USPL1: variants seen among roughly 807,000 people sequenced by gnomAD.
USPL1 encodes the protein ubiquitin specific peptidase like 1.
USPL1 carries 27 observed loss-of-function variants against 51.5 expected under a neutral mutation model. The observed-to-expected ratio is 0.52, with a 90% CI of 0.39 to 0.72. The LOEUF is 0.72. USPL1 is among the 30% of genes least tolerant of loss of function. The pLI is 0.00. For synonymous variants in USPL1, 451 were observed against 459.6 expected (o/e 0.98, Z 0.24); for missense variants, 1,226 against 1,268.0 (o/e 0.97, Z 0.50).
intron 8 of USPL1, among the ~76,000 whole-genome samples, chr13:30,653,649 A>G (rs565069965): frequency 6.6e-6 from 1 of 152,108 alleles, no homozygotes; most frequent in Non-Finnish European, 1.5e-5. Context: ...TTCTAAGACT[A>G]TTAAACATTA....
At chr13:30,619,987 A>G (rs188842384) in intron 1 of USPL1, among the ~76,000 whole-genome samples, 67 of 152,302 alleles carry the variant, frequency 4.4e-4, no homozygotes, top group African/African-American at 1.6e-3. Flanking sequence ...TTCACAAACA[A>G]TTATTTGGTC....
chr13:30,649,138 GA>G (rs1240325410), intron 7 of USPL1, among the ~76,000 whole-genome samples: 2 of 152,170 alleles, frequency 1.3e-5, no homozygotes, highest in Non-Finnish European at 2.9e-5. Flanking sequence ...TCTTTTAATG[GA>G]AAATGTGTTT....
intron 7 of USPL1, among the ~76,000 whole-genome samples, chr13:30,649,875 T>A (rs896763342): frequency 1.3e-5 from 2 of 152,228 alleles, no homozygotes; most frequent in African/African-American, 4.8e-5. Context: ...TGATGTCTCT[T>A]GTTCTCTTTT....
intron 7 of USPL1, among the ~76,000 whole-genome samples, chr13:30,647,276 C>G (rs1951030700): frequency 6.6e-6 from 1 of 152,178 alleles, no homozygotes; most frequent in South Asian, 2.1e-4. Context: ...TCTGGCCCCA[C>G]TCTCCTAGTG....
intron 6 of USPL1, among the ~76,000 whole-genome samples, chr13:30,643,767 G>A (rs1443569229): frequency 1.7e-4 from 25 of 151,510 alleles, no homozygotes; most frequent in African/African-American, 2.4e-4. Context: ...GTGCCACCAC[G>A]CCCGGCTGAT....
intron 4 of USPL1, among the ~76,000 whole-genome samples, chr13:30,635,176 T>C (rs895805185): frequency 2.0e-5 from 3 of 152,342 alleles, no homozygotes; most frequent in Middle Eastern, 3.4e-3. Flanking sequence ...GGGAAGTCTT[T>C]ATCTTTTCAT....
At position 30,659,511 on chromosome 13, in the gene USPL1, C is replaced by CA. The variant is rs1951227510; in HGVS notation, c.*156dup. The CA allele has an allele frequency of 6.2e-6, 4 of 642,920 alleles. No individual in the cohort carries two copies. In the East Asian group the frequency reaches 1.2e-4, roughly 19 times the overall value. 39.8% of individuals were successfully genotyped at this position (642,920 alleles called of 1,614,324 possible). A position where few individuals can be genotyped will look rare whatever the true frequency, so the allele number is the denominator to read the frequency against. ...TTAACCTTTGGTTCTGCCCATGAAG[C>CA]ATGTAATCTTTCTTACACATTAAAA... is the stretch of plus-strand genomic sequence containing the variant. On this transcript the variant is annotated 3_prime_UTR_variant, in exon 9 of 9. Transcript: ENST00000255304.
rs754810857 is a variant in USPL1 at position 30,647,007 on chromosome 13, A to G, written c.1188A>G (p.Pro396=). 6 of 1,613,846 alleles carry G rather than the reference A, an allele frequency of 3.7e-6. No individual in the cohort carries two copies. The East Asian group carries it at 1.3e-4, about 36-fold the overall frequency. The change falls in exon 7 of 9, where the codon CCA becomes CCG. Residue 396 remains proline, a synonymous_variant. Transcript: ENST00000255304. ...WHPLNAAHFG[P]CNNCNSKSQI... ...CACTTAATGCTGCCCATTTTGGTCCATGTAACAATTGCAACAGTAAATCAC... is the reference window on the plus strand; with the variant it reads ...CACTTAATGCTGCCCATTTTGGTCCGTGTAACAATTGCAACAGTAAATCAC...
intron 8 of USPL1, among the ~76,000 whole-genome samples, chr13:30,655,902 C>T (rs543901063): frequency 1.9e-4 from 29 of 152,266 alleles, no homozygotes; most frequent in East Asian, 1.7e-3. Context: ...GAGTAAGCTA[C>T]GTATTTGCTG....
rs1241798658 is a variant in USPL1 at position 30,657,979 on chromosome 13, T to G, written c.1902T>G (p.Ser634=). ...TLLSQESLMA[S]SVSAPCNEKL... ...TATCACAAGAATCACTAATGGCTTCTTCAGTATCAGCTCCATGTAATGAAA... is the reference window on the plus strand; with the variant it reads ...TATCACAAGAATCACTAATGGCTTCGTCAGTATCAGCTCCATGTAATGAAA... The change falls in exon 9 of 9, where the codon TCT becomes TCG. Residue 634 remains serine (S), a synonymous_variant. Transcript: ENST00000255304. 2 of 1,613,492 alleles carry G rather than the reference T, an allele frequency of 1.2e-6. No individual in the cohort carries two copies. Among genetic ancestry groups the G allele is most frequent in the African/African-American group, 2.7e-5 (2 of 74,956 alleles).
intron 1 of USPL1, among the ~76,000 whole-genome samples, chr13:30,620,802 G>A (rs1433557327): frequency 1.8e-4 from 28 of 152,128 alleles, no homozygotes; most frequent in Admixed American, 1.8e-3. Flanking sequence ...AATAGTAGCT[G>A]CCTCTACTAC....
intron 6 of USPL1, among the ~76,000 whole-genome samples, chr13:30,643,563 G>A (rs1275702402): frequency 2.0e-5 from 3 of 148,768 alleles, no homozygotes; most frequent in African/African-American, 5.1e-5. Flanking sequence ...TCAATTGTTC[G>A]TGTATTCAAA....
intron 3 of USPL1, among the ~76,000 whole-genome samples, chr13:30,622,511 G>T (rs918825666): frequency 6.6e-6 from 1 of 152,134 alleles, no homozygotes; most frequent in African/African-American, 2.4e-5. Context: ...TGCAAGATTT[G>T]TATTCCTATT....
chr13:30,622,139 CT>C (rs532224924), intron 3 of USPL1, among the ~76,000 whole-genome samples: 3 of 150,174 alleles, frequency 2.0e-5, no homozygotes, highest in Non-Finnish European at 3.0e-5. Flanking sequence ...AGGTTTTTTT[CT>C]TTTTTTTTAA....
intron 7 of USPL1, among the ~76,000 whole-genome samples, chr13:30,647,272 C>G (rs1286836103): frequency 2.6e-5 from 4 of 152,104 alleles, no homozygotes; most frequent in Admixed American, 2.6e-4. Context: ...ACTCTCTGGC[C>G]CCACTCTCCT....
At chr13:30,650,033 A>G (rs1951068436) in intron 7 of USPL1, among the ~76,000 whole-genome samples, 1 of 152,024 alleles carries the variant, frequency 6.6e-6, no homozygotes, top group Non-Finnish European at 1.5e-5. Flanking sequence ...CTAGGGATAA[A>G]GTTTAGTAGA....
chr13:30,657,218 T>C (rs2137727290), intron 8 of USPL1, among the ~76,000 whole-genome samples: 1 of 152,334 alleles, frequency 6.6e-6, no homozygotes, highest in African/African-American at 2.4e-5. Context: ...CATGAAAACA[T>C]ATATGTATGA....
chr13:30,618,034 A>T lies in USPL1; in HGVS notation c.-91A>T, dbSNP rs1193875022. 1.3e-5 allele frequency: 2 copies of T among 152,454 alleles called. No individual in the cohort carries two copies. Among genetic ancestry groups the T allele is most frequent in the African/African-American group, 2.4e-5 (1 of 41,440 alleles). 9.4% of individuals were successfully genotyped at this position (152,454 alleles called of 1,614,324 possible). A position where few individuals can be genotyped will look rare whatever the true frequency, so the allele number is the denominator to read the frequency against. On this transcript the variant is annotated 5_prime_UTR_variant, in exon 1 of 9. Coordinates refer to ENST00000255304, the MANE Select transcript of USPL1 (RefSeq NM_005800.5). ...CAGGAGTTCCGATCGACCCGGTACC[A>T]AGAAGGGGAGTGCCCGCGGCAGGTA...
rs748698101 is a variant in USPL1 at position 30,659,264 on chromosome 13, G to A, written c.3187G>A (p.Asp1063Asn). 29 of 1,613,954 alleles carry A rather than the reference G, an allele frequency of 1.8e-5. No homozygotes were observed. The highest frequency in any genetic ancestry group is 1.3e-4 in the Admixed American group (8 of 59,986). The change falls in exon 9 of 9, where the codon GAT becomes AAT. Residue 1063 changes from aspartate (D) to asparagine (N), a missense_variant. By Grantham distance (23) the Asp-to-Asn change is conservative (BLOSUM62 1). Transcript: ENST00000255304. ...LESPMKTDIF[D>N]EFFSSSALNA... Reference sequence around the variant, plus strand: ...GAGTCCGATGAAGACTGATATTTTCGATGAGTTTTTTTCCTCCTCAGCATT... The same window carrying A: ...GAGTCCGATGAAGACTGATATTTTCAATGAGTTTTTTTCCTCCTCAGCATT...
Sources: allele counts gnomAD v4.1 joint callset (sites outside exome capture counted in the v4.1 genomes callset), GRCh38; gene constraint gnomAD v4.1.1; transcripts MANE v1.5; gene names NCBI Gene and HGNC (gene_info 2026-07-23, HGNC 2026-07-21).